The following FAM120B variants were observed in gnomAD, a reference collection of about 807,000 sequenced individuals.
The protein encoded by FAM120B is constitutive coactivator of peroxisome proliferator-activated receptor gamma.
FAM120B carries 83 observed loss-of-function variants against 96.3 expected under a neutral mutation model. The observed-to-expected ratio is 0.86, with a 90% confidence interval of 0.72 to 1.03. The LOEUF is 1.03. Among genes scored for constraint, FAM120B ranks in the 50% least tolerant of loss-of-function variants. The pLI, the probability that FAM120B is intolerant of heterozygous loss-of-function variation, is 0.00. For missense variants in FAM120B, 1,027 were observed against 1,121.2 expected (o/e 0.92, Z 1.20); for synonymous variants, 407 against 402.7 (o/e 1.01, Z -0.13).
In FAM120B at chr6:170,370,191, C is replaced by T. The variant is rs1448317433; in HGVS notation, c.2283+11873C>T. 6.6e-6 allele frequency among the ~76,000 whole-genome samples: 1 copy of T among 152,244 alleles called. No homozygotes were observed. The highest frequency in any genetic ancestry group is 1.9e-4 in the East Asian group (1 of 5,194). The stretch of plus-strand genomic sequence containing the variant: ...CCTGCTCTCTGCACCTCACAGACTT[C>T]CCCAGCGGGGCGGCCCCCAGGCCTT... On this transcript the variant is annotated intron_variant, in intron 6 of 10. Coordinates refer to ENST00000476287, the MANE Select transcript of FAM120B (RefSeq NM_032448.3). The surrounding 1 kb of genome is among the most constrained non-coding windows in gnomAD (Gnocchi z 4.3).
intron 5 of FAM120B, among the ~76,000 whole-genome samples, chr6:170,357,122 A>G (rs1788002826): frequency 6.6e-6 from 1 of 152,160 alleles, no homozygotes; most frequent in Non-Finnish European, 1.5e-5. Context: ...TGAAGTTGTT[A>G]TTCATGGGTC....
At chr6:170,394,985 T>C (rs1790652557) in intron 8 of FAM120B, among the ~76,000 whole-genome samples, 1 of 152,242 alleles carries the variant, frequency 6.6e-6, no homozygotes, top group Admixed American at 6.5e-5. Context: ...TTGTATGTAA[T>C]CAGGCCTTCT....
At chr6:170,330,981 A>G (rs1041818350) in intron 4 of FAM120B, 9 of 161,258 alleles carry the variant, frequency 5.6e-5, no homozygotes, top group African/African-American at 2.2e-4. Context: ...CACTGAAAGC[A>G]TATTTTGATG....
At chr6:170,390,916 G>A in intron 7 of FAM120B, 97 bp from the exon 8 acceptor site, 1 of 938,602 alleles carries the variant, frequency 1.1e-6, no homozygotes, top group East Asian at 2.6e-5. Flanking sequence ...TGGGAACAGT[G>A]TGGAAGGGTG....
At chr6:170,371,207 T>A (rs897659344) in intron 6 of FAM120B, among the ~76,000 whole-genome samples, 1 of 152,152 alleles carries the variant, frequency 6.6e-6, no homozygotes, top group Admixed American at 6.5e-5. Context: ...TCTGTAGATT[T>A]CTTTGTTCTG....
chr6:170,357,549 T>C (rs1032479982), intron 5 of FAM120B, among the ~76,000 whole-genome samples: 7 of 152,176 alleles, frequency 4.6e-5, no homozygotes, highest in Admixed American at 3.3e-4. Context: ...TCTGATTTAC[T>C]CTCAACTAGG....
At chr6:170,371,789 G>A (rs1238423860) in intron 6 of FAM120B, among the ~76,000 whole-genome samples, 2 of 152,224 alleles carry the variant, frequency 1.3e-5, no homozygotes, top group East Asian at 1.9e-4. Context: ...GAGACAGGAA[G>A]TAAGAGATGA....
intron 9 of FAM120B, among the ~76,000 whole-genome samples, chr6:170,402,882 A>C (rs982944298): frequency 3.3e-5 from 5 of 152,228 alleles, no homozygotes; most frequent in Non-Finnish European, 7.3e-5. Flanking sequence ...GCTGTGCCCT[A>C]GTTTCATAAA....
intron 9 of FAM120B, among the ~76,000 whole-genome samples, chr6:170,400,415 A>G (rs1778499895): frequency 6.6e-6 from 1 of 152,136 alleles, no homozygotes; most frequent in African/African-American, 2.4e-5. Flanking sequence ...TGGGAATGAT[A>G]AGAGTCACAG....
chr6:170,320,193 T>C (rs143845842), intron 2 of FAM120B, among the ~76,000 whole-genome samples: 17 of 152,292 alleles, frequency 1.1e-4, no homozygotes, highest in Middle Eastern at 3.4e-3. Flanking sequence ...ATCTTTCATC[T>C]AGTTACAACT....
At chr6:170,310,542 T>A (rs1223673248) in intron 1 of FAM120B, among the ~76,000 whole-genome samples, 1 of 152,216 alleles carries the variant, frequency 6.6e-6, no homozygotes, top group African/African-American at 2.4e-5. Flanking sequence ...CTGCCCTCCT[T>A]GTTAATTACT....
upstream of FAM120B, chr6:170,290,860 G>T: frequency 1.5e-6 from 1 of 658,930 alleles, no homozygotes; most frequent in South Asian, 1.7e-5. This position sits in a 1 kb window ranked among gnomAD's most constrained non-coding sequence, Gnocchi z 4.7. Context: ...TCTGCGCCGC[G>T]GCTGCCCGGG....
chr6:170,362,285 A>G (rs1788507818), intron 6 of FAM120B, among the ~76,000 whole-genome samples: 1 of 152,184 alleles, frequency 6.6e-6, no homozygotes, highest in South Asian at 2.1e-4. Context: ...GTTTCTGTGG[A>G]CATTCAAGGT....
At chr6:170,319,768 T>G (rs1308450881) in intron 2 of FAM120B, among the ~76,000 whole-genome samples, 1 of 152,164 alleles carries the variant, frequency 6.6e-6, no homozygotes, top group Admixed American at 6.5e-5. Context: ...ACTTGGGAGT[T>G]GTGGAAGTAC....
chr6:170,402,979 G>A (rs1390638474), intron 9 of FAM120B, among the ~76,000 whole-genome samples: 1 of 152,136 alleles, frequency 6.6e-6, no homozygotes, highest in Non-Finnish European at 1.5e-5. Context: ...TGTGGGTTTG[G>A]GGCCAGAAAG....
intron 6 of FAM120B, among the ~76,000 whole-genome samples, chr6:170,385,502 A>G (rs1428768776): frequency 6.6e-6 from 1 of 152,222 alleles, no homozygotes; most frequent in Non-Finnish European, 1.5e-5. Context: ...CAAATGGAGA[A>G]TAGAGAAAGG....
rs1188801531 is a variant in FAM120B, at chr6:170,295,490, C to T, written c.48+37C>T. On this transcript the variant is annotated intron_variant, in intron 1 of 10. Transcript: ENST00000537664. This position sits in a 1 kb window ranked among gnomAD's most constrained non-coding sequence, Gnocchi z 7.8. ...CCGCGTGCACACAAGGCGCGCGGCC[C>T]CCAGGCAGCCGCGCTTCCACAGCGG... 1 of 694,132 alleles carries T rather than the reference C, an allele frequency of 1.4e-6. No individual in the cohort carries two copies. The highest frequency in any genetic ancestry group is 2.6e-6 in the Non-Finnish European group (1 of 381,140). The allele number at this position is 694,132 out of a possible 1,614,324, so 43.0% of individuals were successfully genotyped here. A position where few individuals can be genotyped will look rare whatever the true frequency, so the allele number is the denominator to read the frequency against.
intron 1 of FAM120B, among the ~76,000 whole-genome samples, chr6:170,307,058 G>T (rs1371350879): frequency 6.6e-6 from 1 of 152,226 alleles, no homozygotes; most frequent in African/African-American, 2.4e-5. Context: ...CCCTGTCCCT[G>T]CGCAGAACCC....
At chr6:170,334,950 GA>G (rs1481129524) in intron 4 of FAM120B, among the ~76,000 whole-genome samples, 1 of 151,518 alleles carries the variant, frequency 6.6e-6, no homozygotes, top group Non-Finnish European at 1.5e-5. Context: ...ATATATGAAT[GA>G]ATTTTTTTGC....
Sources: allele counts gnomAD v4.1 joint callset (sites outside exome capture counted in the v4.1 genomes callset), GRCh38; gene constraint gnomAD v4.1.1; non-coding constraint Gnocchi (gnomAD v3.1); transcripts MANE v1.5; gene names NCBI Gene and HGNC (gene_info 2026-07-23, HGNC 2026-07-21).